SYT6: variants seen among roughly 807,000 people sequenced by gnomAD.
The protein encoded by SYT6 is synaptotagmin-6.
SYT6 carries 24 observed loss-of-function variants against 38.4 expected under a neutral mutation model. The ratio of observed to expected loss-of-function variants is 0.62; its 90% CI spans 0.45 to 0.88. The LOEUF (loss-of-function observed/expected upper bound fraction) is 0.88. Among genes scored for constraint, SYT6 ranks in the 40% least tolerant of loss-of-function variants. The pLI, the probability that SYT6 is intolerant of heterozygous loss-of-function variation, is 0.00. For synonymous variants in SYT6, 265 were observed against 241.9 expected (o/e 1.10, Z -0.89); for missense variants, 611 against 621.0 (o/e 0.98, Z 0.17).
At chr1:114,139,562 T>C (rs1678724291) in intron 2 of SYT6, 53 bp downstream of exon 2, 2 of 1,607,154 alleles carry the variant, frequency 1.2e-6, no homozygotes, top group African/African-American at 2.7e-5. Context: ...CATAGATGTA[T>C]TAAGGGAGTG....
intron 3 of SYT6, among the ~76,000 whole-genome samples, chr1:114,130,702 A>G (rs1678092302): frequency 1.3e-5 from 2 of 152,302 alleles, no homozygotes; most frequent in South Asian, 4.1e-4. Flanking sequence ...AGCAAGGACT[A>G]TGTTTGCCCC....
intron 3 of SYT6, among the ~76,000 whole-genome samples, chr1:114,121,708 G>A (rs1677410842): frequency 1.3e-5 from 2 of 152,176 alleles, no homozygotes; most frequent in Admixed American, 6.5e-5. Context: ...TTTTAAAACT[G>A]TGTGACTTCA....
intron 1 of SYT6, among the ~76,000 whole-genome samples, chr1:114,147,437 G>A (rs946648495): frequency 3.9e-5 from 6 of 152,226 alleles, no homozygotes; most frequent in Non-Finnish European, 5.9e-5. Flanking sequence ...AGGCATCAGA[G>A]GAGCTCTAGT....
At chr1:114,133,258 G>A (rs369258661) in intron 3 of SYT6, among the ~76,000 whole-genome samples, 33 of 152,228 alleles carry the variant, frequency 2.2e-4, no homozygotes, top group African/African-American at 5.3e-4. Flanking sequence ...GAATCCATTA[G>A]CATTACCAAG....
chr1:114,123,003 G>C (rs1477990805), intron 3 of SYT6, among the ~76,000 whole-genome samples: 1 of 152,162 alleles, frequency 6.6e-6, no homozygotes, highest in Non-Finnish European at 1.5e-5. Flanking sequence ...TCCGGGGCCC[G>C]CGAGGCACTC....
intron 3 of SYT6, among the ~76,000 whole-genome samples, chr1:114,128,765 T>G (rs1677903919): frequency 6.6e-6 from 1 of 152,232 alleles, no homozygotes; most frequent in Non-Finnish European, 1.5e-5. Context: ...CTGGCTTTCC[T>G]CTTTTCCCTG....
At chr1:114,138,315 T>A (rs1281214498) in intron 2 of SYT6, among the ~76,000 whole-genome samples, 1 of 152,228 alleles carries the variant, frequency 6.6e-6, no homozygotes. Context: ...ATTGTTATCA[T>A]AATCACTTTT....
In SYT6 at chr1:114,134,028, G is replaced by A. The variant is rs750725952; in HGVS notation, c.1071+3467C>T. On this transcript the variant is annotated intron_variant, in intron 3 of 7. Coordinates refer to ENST00000610222, the MANE Select transcript of SYT6 (RefSeq NM_001253772.2). The stretch of plus-strand genomic sequence containing the variant: ...GGTGCCACCTGCCAGGGCCGAATCC[G>A]ACTCTCCTGCACAAACTCAAGGAGC... Among the ~76,000 whole-genome samples, 7 of 152,208 alleles carry A rather than the reference G, an allele frequency of 4.6e-5. No homozygotes were observed. In the East Asian group the frequency reaches 5.8e-4, roughly 13 times the overall value.
intron 3 of SYT6, among the ~76,000 whole-genome samples, chr1:114,111,735 C>G (rs1053637561): frequency 4.2e-4 from 26 of 61,264 alleles, no homozygotes; most frequent in African/African-American, 1.2e-3. Context: ...CCGAGAGGAA[C>G]CCGGCAGGAT....
At chr1:114,109,710 T>C (rs376864535) in intron 3 of SYT6, among the ~76,000 whole-genome samples, 10 of 152,282 alleles carry the variant, frequency 6.6e-5, no homozygotes, top group African/African-American at 1.7e-4. Context: ...GAAAGGCATG[T>C]CAGTAGGTAG....
In SYT6 at chr1:114,103,707, C is replaced by T. The variant is rs1387249346; in HGVS notation, c.1086G>A (p.Leu362=). 1 of 1,613,714 alleles carries T rather than the reference C, an allele frequency of 6.2e-7. No homozygotes were observed. Residue 362 remains leucine, a synonymous_variant, in exon 4 of 8, where the codon TTG becomes TTA. Coordinates refer to ENST00000610222, the MANE Select transcript of SYT6 (RefSeq NM_001253772.2). Reference sequence around the variant, plus strand: ...AGCAAAGGGAGAACATGATCTCTCCCAAGTCCACGCTTTCCTGCAAAGAAG... The same window carrying T: ...AGCAAAGGGAGAACATGATCTCTCCTAAGTCCACGCTTTCCTGCAAAGAAG... ...IQYATSESVD[L]GEIMFSLCYL... is the part of the protein sequence containing the mutation.
intron 6 of SYT6, among the ~76,000 whole-genome samples, chr1:114,094,696 C>T (rs1044134919): frequency 4.6e-5 from 7 of 152,196 alleles, no homozygotes; most frequent in African/African-American, 1.7e-4. Flanking sequence ...CTTGAAAATC[C>T]CTTAAGAAAG....
chr1:114,141,554 G>A (rs548283599), intron 1 of SYT6, among the ~76,000 whole-genome samples: 1 of 152,374 alleles, frequency 6.6e-6, no homozygotes, highest in East Asian at 1.9e-4. Flanking sequence ...AGATGAAGCA[G>A]CAAGTGCTGA....
At chr1:114,107,388 G>A (rs1202507380) in intron 3 of SYT6, among the ~76,000 whole-genome samples, 4 of 152,210 alleles carry the variant, frequency 2.6e-5, no homozygotes, top group Non-Finnish European at 5.9e-5. Flanking sequence ...AGTGTGGTGT[G>A]GCCCGTGCAC....
At position 114,099,174 on chromosome 1, in the gene SYT6, G is replaced by A; in HGVS notation, c.1284C>T (p.Tyr428=). ...TIKKNTLNPV[Y]NEAIIFDIPP... is the part of the protein sequence containing the mutation. ...GAATGTCAAAGATGATGGCCTCATT[G>A]TAGACAGGATTGAGAGTGTTTTTCT... Residue 428 remains tyrosine (Y), a synonymous_variant, in exon 5 of 8, where the codon TAC becomes TAT. Transcript: ENST00000610222. The A allele has an allele frequency of 6.2e-7, 1 of 1,614,198 alleles. No individual in the cohort carries two copies. The highest frequency in any genetic ancestry group is 8.5e-7 in the Non-Finnish European group (1 of 1,180,004).
rs182422121 is a variant in SYT6, at chr1:114,094,061, A to G, written c.1516-258T>C. 1.4e-4 allele frequency among the ~76,000 whole-genome samples: 22 copies of G among 152,314 alleles called. No homozygotes were observed. In the East Asian group the frequency reaches 4.2e-3, roughly 29 times the overall value. ...TAGGCCAGGTCAGAGGAGAAAACAT[A>G]AAAGGACTACACAGAGTGTCTTTCT... On this transcript the variant is annotated intron_variant, in intron 6 of 7. Transcript: ENST00000610222.
At chr1:114,129,612 CTTT>C (rs1677998777) in intron 3 of SYT6, among the ~76,000 whole-genome samples, 4 of 61,412 alleles carry the variant, frequency 6.5e-5, no homozygotes, top group African/African-American at 1.0e-4. Context: ...TTCTTTCTTT[CTTT>C]CCTTTCTTTC....
At chr1:114,113,767 C>T (rs1028131462) in intron 3 of SYT6, among the ~76,000 whole-genome samples, 15 of 152,222 alleles carry the variant, frequency 9.9e-5, no homozygotes, top group Non-Finnish European at 1.6e-4. Flanking sequence ...GCCTTCCCTG[C>T]TTCCCTTGCT....
intron 6 of SYT6, among the ~76,000 whole-genome samples, chr1:114,095,628 G>A (rs1381158864): frequency 6.6e-6 from 1 of 151,860 alleles, no homozygotes; most frequent in African/African-American, 2.4e-5. Flanking sequence ...TTTTACCAAG[G>A]AACCCAAAGA....
Sources: gnomAD v4.1 joint callset for allele counts (sites outside exome capture counted in the v4.1 genomes callset) on GRCh38, gnomAD v4.1.1 for gene constraint, MANE v1.5 for transcripts, NCBI Gene and HGNC (gene_info 2026-07-23, HGNC 2026-07-21) for gene names.